CCDC170: variants seen among roughly 807,000 people sequenced by gnomAD.
CCDC170 encodes the protein coiled-coil domain-containing protein 170.
Under a neutral mutation model 72.6 loss-of-function variants are expected in CCDC170, and 69 were observed. The observed-to-expected ratio is 0.95, with a 90% confidence interval of 0.78 to 1.16. CCDC170 has a LOEUF of 1.16. CCDC170 is among the 50% of genes most tolerant of loss of function. CCDC170 has a pLI of 0.00. For synonymous variants in CCDC170, 300 were observed against 303.9 expected, an observed-to-expected ratio of 0.99 and a Z score of 0.13; for missense variants, 852 against 832.5, an observed-to-expected ratio of 1.02 and a Z score of -0.29.
chr6:151,548,040 C>A (rs139424291), intron 4 of CCDC170, among the ~76,000 whole-genome samples: 1 of 152,300 alleles, frequency 6.6e-6, no homozygotes, highest in Non-Finnish European at 1.5e-5. Flanking sequence ...ATGTATTTAG[C>A]AGGTTTGCTG....
intron 1 of CCDC170, among the ~76,000 whole-genome samples, chr6:151,515,503 G>C (rs1439295862): frequency 6.6e-6 from 1 of 152,088 alleles, no homozygotes; most frequent in Non-Finnish European, 1.5e-5. Context: ...GTCTGGTCTG[G>C]AACTCCTGAC....
At chr6:151,558,596 CA>C (rs1294432498) in intron 5 of CCDC170, among the ~76,000 whole-genome samples, 1 of 152,202 alleles carries the variant, frequency 6.6e-6, no homozygotes, top group African/African-American at 2.4e-5. Flanking sequence ...GACCTAGTTT[CA>C]TTCTTCTGCA....
intron 1 of CCDC170, among the ~76,000 whole-genome samples, chr6:151,520,926 G>A (rs568938985): frequency 2.0e-5 from 3 of 152,092 alleles, no homozygotes; most frequent in Admixed American, 1.3e-4. Flanking sequence ...GAAAACTCTG[G>A]TCTCCTGCAC....
chr6:151,572,105 G>A (rs771402866), intron 5 of CCDC170, among the ~76,000 whole-genome samples: 2 of 152,006 alleles, frequency 1.3e-5, no homozygotes, highest in African/African-American at 4.8e-5. Context: ...CTTTTGTCTC[G>A]ATCTCCCAAA....
chr6:151,575,330 T>G (rs1185639515), intron 6 of CCDC170, among the ~76,000 whole-genome samples: 1 of 150,890 alleles, frequency 6.6e-6, no homozygotes, highest in East Asian at 2.0e-4. Flanking sequence ...TTTCCTTTAG[T>G]GATAGTAAAT....
chr6:151,534,853 AT>A (rs1377955783), intron 1 of CCDC170, among the ~76,000 whole-genome samples: 1 of 152,150 alleles, frequency 6.6e-6, no homozygotes, highest in Non-Finnish European at 1.5e-5. Context: ...TCTTAAATAG[AT>A]TTTATCGCTG....
chr6:151,589,518 C>T (rs905131870), intron 7 of CCDC170, among the ~76,000 whole-genome samples: 1 of 152,088 alleles, frequency 6.6e-6, no homozygotes, highest in African/African-American at 2.4e-5. Flanking sequence ...TTAATCAATT[C>T]CTAAGCACTG....
chr6:151,618,190 C>T lies in CCDC170; in HGVS notation c.*43C>T. On this transcript the variant is annotated 3_prime_UTR_variant, in exon 11 of 11. Coordinates refer to ENST00000239374, the MANE Select transcript of CCDC170 (RefSeq NM_025059.4). ...AGAGGTGGCCATAAGACATGGCACA[C>T]AATTCCCAATTTCACAAATTCCTCA... 6.7e-7 allele frequency: 1 copy of T among 1,498,188 alleles called. No individual in the cohort carries two copies. Among genetic ancestry groups the T allele is most frequent in the South Asian group, 1.2e-5 (1 of 85,764 alleles). The allele number at this position is 1,498,188 out of a possible 1,614,324, so 92.8% of individuals were successfully genotyped here.
intron 5 of CCDC170, among the ~76,000 whole-genome samples, chr6:151,565,185 G>A (rs1409122255): frequency 6.6e-6 from 1 of 152,186 alleles, no homozygotes; most frequent in African/African-American, 2.4e-5. Context: ...GGGCTCCTGG[G>A]ATGTGGAGAT....
At chr6:151,528,609 G>T (rs538769017) in intron 1 of CCDC170, among the ~76,000 whole-genome samples, 1 of 152,324 alleles carries the variant, frequency 6.6e-6, no homozygotes, top group East Asian at 1.9e-4. Context: ...ACTTTGGGAG[G>T]CTGAGGCGAG....
At position 151,577,262 on chromosome 6, in the gene CCDC170, T is replaced by A. The variant is rs1001095161; in HGVS notation, c.1092+3771T>A. Reference sequence around the variant, plus strand: ...GCTAGTAGCACTCCCCTTCCCAGTTTGTGACAACCACAGATGTCTTTAGAG... The same window carrying A: ...GCTAGTAGCACTCCCCTTCCCAGTTAGTGACAACCACAGATGTCTTTAGAG... On this transcript the variant is annotated intron_variant, in intron 6 of 10. Coordinates refer to ENST00000239374, the MANE Select transcript of CCDC170 (RefSeq NM_025059.4). Among the ~76,000 whole-genome samples, 14 of 152,250 alleles carry A rather than the reference T, an allele frequency of 9.2e-5. No homozygotes were observed. In the East Asian group the frequency reaches 2.5e-3, roughly 27 times the overall value.
chr6:151,602,962 G>A (rs1188673625), intron 9 of CCDC170, among the ~76,000 whole-genome samples: 1 of 151,750 alleles, frequency 6.6e-6, no homozygotes, highest in South Asian at 2.1e-4. Flanking sequence ...CACCATGCCC[G>A]GCTAGTTTTT....
Position 151,596,342 on chromosome 6 carries a change from C to CA in CCDC170, c.1476dup (p.Gln493ThrfsTer35). Reference sequence around the variant, plus strand: ...CTGTTTGCATCAAACCAGCTAAAGACACAGAAAGAGAGACTGGAGAGCAAA... The same window carrying CA: ...CTGTTTGCATCAAACCAGCTAAAGACAACAGAAAGAGAGACTGGAGAGCAAA... On this transcript the variant is annotated frameshift_variant, in exon 9 of 11. Transcript: ENST00000239374. LOFTEE classifies it high-confidence loss of function. The CA allele has an allele frequency of 6.2e-7, 1 of 1,606,828 alleles. No individual in the cohort carries two copies. The highest frequency in any genetic ancestry group is 1.3e-5 in the African/African-American group (1 of 74,508).
intron 9 of CCDC170, among the ~76,000 whole-genome samples, chr6:151,611,130 G>A (rs1471749028): frequency 2.6e-5 from 4 of 152,120 alleles, no homozygotes; most frequent in Non-Finnish European, 5.9e-5. Flanking sequence ...ACAAAAATTA[G>A]CCAGGAGTGG....
intron 1 of CCDC170, among the ~76,000 whole-genome samples, chr6:151,534,458 G>T (rs10872673): frequency 0.45 from 68,791 of 152,008 alleles, 18,096 homozygotes; most frequent in Non-Finnish European, 0.6. Flanking sequence ...TTTATAAAAT[G>T]GTATGCCATA....
Position 151,596,561 on chromosome 6 carries a change from A to G in CCDC170, c.1694A>G (p.Asp565Gly), listed in dbSNP as rs767640050. 3.7e-6 allele frequency: 6 copies of G among 1,613,960 alleles called. No individual in the cohort carries two copies. The African/African-American group carries it at 8.0e-5, about 22-fold the overall frequency. Residue 565 changes from aspartate to glycine, a missense_variant, in exon 9 of 11, where the codon GAC becomes GGC. Coordinates refer to ENST00000239374, the MANE Select transcript of CCDC170 (RefSeq NM_025059.4). Reference sequence around the variant, plus strand: ...ACCGAGCTCAAAGCCAAACTGGCCGACACCAATGAACTGAAGGCAAGTGCT... The same window carrying G: ...ACCGAGCTCAAAGCCAAACTGGCCGGCACCAATGAACTGAAGGCAAGTGCT... The part of the protein sequence containing the change: ...LHTELKAKLA[D>G]TNELKIKTLE...
At chr6:151,557,638 A>C (rs1422105739) in intron 5 of CCDC170, among the ~76,000 whole-genome samples, 1 of 152,148 alleles carries the variant, frequency 6.6e-6, no homozygotes, top group East Asian at 1.9e-4. Context: ...TGGCCATACA[A>C]ATTTACATTC....
In CCDC170 at chr6:151,596,583, T is replaced by G. The variant is rs1209949368; in HGVS notation, c.1710+6T>G. The G allele has an allele frequency of 3.1e-6, 5 of 1,612,366 alleles. No homozygotes were observed. The highest frequency in any genetic ancestry group is 4.2e-6 in the Non-Finnish European group (5 of 1,178,794). The stretch of plus-strand genomic sequence containing the variant: ...CCGACACCAATGAACTGAAGGCAAG[T>G]GCTTGGCTTCATTTTGTTGTTGCTT... On this transcript the variant is annotated splice_donor_region_variant and intron_variant, in intron 9 of 10. Transcript: ENST00000239374.
At chr6:151,549,071 G>GTT (rs746483543) in intron 5 of CCDC170, among the ~76,000 whole-genome samples, 2 of 151,806 alleles carry the variant, frequency 1.3e-5, no homozygotes, top group Non-Finnish European at 2.9e-5. Context: ...GGCTAATTTT[G>GTT]TTTTTTTGTA....
Sources: allele counts gnomAD v4.1 joint callset (sites outside exome capture counted in the v4.1 genomes callset), GRCh38; gene constraint gnomAD v4.1.1; transcripts MANE v1.5; gene names NCBI Gene and HGNC (gene_info 2026-07-23, HGNC 2026-07-21).